CSTPP1: variants seen among roughly 807,000 people sequenced by gnomAD.
CSTPP1 encodes the protein UPF0705 protein C11orf49.
At chr11:47,061,284 C>T in the CSTPP1 span, among the ~76,000 whole-genome samples, 14 of 152,140 alleles carry the variant, frequency 9.2e-5, no homozygotes, top group Non-Finnish European at 1.9e-4. Context: ...TTTTATAGAG[C>T]TTACATTCTA....
the CSTPP1 span, among the ~76,000 whole-genome samples, chr11:46,948,759 C>T: frequency 6.6e-6 from 1 of 152,078 alleles, no homozygotes; most frequent in South Asian, 2.1e-4. Context: ...CTTAAGTAGT[C>T]CAATTTAGAG....
chr11:47,028,581 A>G, the CSTPP1 span, among the ~76,000 whole-genome samples: 1 of 152,228 alleles, frequency 6.6e-6, no homozygotes, highest in African/African-American at 2.4e-5. Context: ...TATATAAGAA[A>G]GAAGCTGGTG....
chr11:47,023,094 C>T, the CSTPP1 span, among the ~76,000 whole-genome samples: 1 of 152,136 alleles, frequency 6.6e-6, no homozygotes, highest in Non-Finnish European at 1.5e-5. Context: ...GCTAGTGCTG[C>T]TGTCCTTGGT....
chr11:47,024,094 C>A, the CSTPP1 span, among the ~76,000 whole-genome samples: 3 of 151,658 alleles, frequency 2.0e-5, no homozygotes, highest in Non-Finnish European at 4.4e-5. Context: ...CACTTTGTTA[C>A]CCAGGCTGGA....
chr11:47,070,121 C>A, the CSTPP1 span, among the ~76,000 whole-genome samples: 6 of 152,058 alleles, frequency 3.9e-5, no homozygotes, highest in Non-Finnish European at 7.4e-5. Flanking sequence ...GTGCACATGC[C>A]GGTAATCTCA....
At chr11:46,967,494 C>T in the CSTPP1 span, among the ~76,000 whole-genome samples, 1 of 152,036 alleles carries the variant, frequency 6.6e-6, no homozygotes, top group African/African-American at 2.4e-5. Context: ...TAGAGTAAGT[C>T]CTCCAACTTA....
the CSTPP1 span, among the ~76,000 whole-genome samples, chr11:47,134,765 T>A: frequency 3.9e-5 from 6 of 152,044 alleles, no homozygotes; most frequent in Admixed American, 3.9e-4. Flanking sequence ...TGCAGGAGAG[T>A]GTTCAAAACG....
At chr11:47,163,316 C>T in the CSTPP1 span, among the ~76,000 whole-genome samples, 1 of 152,204 alleles carries the variant, frequency 6.6e-6, no homozygotes, top group Non-Finnish European at 1.5e-5. Context: ...AATTACCAAG[C>T]TCCAGAGAGT....
At chr11:47,125,702 C>T in the CSTPP1 span, among the ~76,000 whole-genome samples, 2 of 152,026 alleles carry the variant, frequency 1.3e-5, no homozygotes, top group African/African-American at 4.8e-5. Context: ...TAATGATAAG[C>T]CTGATTTTAA....
the CSTPP1 span, among the ~76,000 whole-genome samples, chr11:46,945,994 T>G: frequency 6.6e-6 from 1 of 152,230 alleles, no homozygotes; most frequent in African/African-American, 2.4e-5. Flanking sequence ...TTGGGAGTTG[T>G]TCCTGGAAGG....
chr11:47,027,010 G>C, the CSTPP1 span, among the ~76,000 whole-genome samples: 1 of 152,042 alleles, frequency 6.6e-6, no homozygotes, highest in East Asian at 1.9e-4. Flanking sequence ...TATAACATAT[G>C]AATCATGTTT....
At chr11:47,086,254 A>AAG in the CSTPP1 span, among the ~76,000 whole-genome samples, 247 of 147,536 alleles carry the variant, frequency 1.7e-3, 1 homozygote, top group African/African-American at 5.8e-3. Flanking sequence ...AAAAAAAAAA[A>AAG]AAATAGCTGG....
At chr11:46,960,201 T>A in the CSTPP1 span, among the ~76,000 whole-genome samples, 1 of 152,142 alleles carries the variant, frequency 6.6e-6, no homozygotes, top group Non-Finnish European at 1.5e-5. Context: ...AGTCTCAATA[T>A]ATTGCCCAGG....
chr11:47,125,762 A>G, the CSTPP1 span, among the ~76,000 whole-genome samples: 2 of 152,206 alleles, frequency 1.3e-5, no homozygotes, highest in Non-Finnish European at 2.9e-5. Flanking sequence ...CACGCCTGTA[A>G]TCCCAGCACT....
the CSTPP1 span, among the ~76,000 whole-genome samples, chr11:47,124,711 G>A: frequency 2.6e-5 from 4 of 152,314 alleles, no homozygotes; most frequent in South Asian, 8.3e-4. Flanking sequence ...CCAAACCCCA[G>A]TGAGTAAAAC....
chr11:47,075,675 T>G, the CSTPP1 span, among the ~76,000 whole-genome samples: 1 of 151,670 alleles, frequency 6.6e-6, no homozygotes, highest in South Asian at 2.1e-4. Flanking sequence ...TTCCAGCACT[T>G]TGGGAGGCAG....
the CSTPP1 span, among the ~76,000 whole-genome samples, chr11:47,107,645 G>C: frequency 6.6e-6 from 1 of 151,980 alleles, no homozygotes; most frequent in East Asian, 1.9e-4. Context: ...GAGAGAAGGA[G>C]ACATCCACCT....
chr11:47,149,716 T>C, the CSTPP1 span, among the ~76,000 whole-genome samples: 6 of 152,114 alleles, frequency 3.9e-5, no homozygotes, highest in Non-Finnish European at 8.8e-5. Context: ...ATGATGTGAT[T>C]AAAAGCACCT....
At chr11:47,049,304 G>A in the CSTPP1 span, among the ~76,000 whole-genome samples, 2 of 151,858 alleles carry the variant, frequency 1.3e-5, no homozygotes, top group Non-Finnish European at 2.9e-5. Flanking sequence ...TTGTTTTGGA[G>A]AGTTATAAAG....
Sources: allele counts gnomAD v4.1 joint callset (sites outside exome capture counted in the v4.1 genomes callset), GRCh38; gene constraint gnomAD v4.1.1; transcripts MANE v1.5; gene names NCBI Gene and HGNC (gene_info 2026-07-23, HGNC 2026-07-21).